Variants in ATP6V1H observed in about 807,000 individuals in gnomAD.
ATP6V1H encodes the protein V-type proton ATPase subunit H.
In ATP6V1H, 39 loss-of-function variants were observed where a neutral mutation model predicts 71.7. That is an observed-to-expected ratio of 0.54 (90% CI 0.42 to 0.71). The LOEUF (loss-of-function observed/expected upper bound fraction) is 0.71, where lower values mean the gene tolerates loss of function less well. Among genes scored for constraint, ATP6V1H ranks in the 30% least tolerant of loss-of-function variants. ATP6V1H has a pLI of 0.00. For missense variants in ATP6V1H, 509 were observed against 594.9 expected (o/e 0.86, Z 1.50); for synonymous variants, 192 against 199.3 (o/e 0.96, Z 0.31).
chr8:53,752,353 A>T (rs1807825688), intron 12 of ATP6V1H, among the ~76,000 whole-genome samples: 1 of 152,146 alleles, frequency 6.6e-6, no homozygotes, highest in Non-Finnish European at 1.5e-5. Flanking sequence ...CTTTTGTTTG[A>T]ATGGGCTGGT....
intron 11 of ATP6V1H, among the ~76,000 whole-genome samples, chr8:53,757,083 CCT>C (rs1808093316): frequency 6.6e-6 from 1 of 152,166 alleles, no homozygotes; most frequent in Admixed American, 6.5e-5. Context: ...CACGTCTTCC[CCT>C]CTCTCTTGCC....
At chr8:53,725,112 T>C (rs1040729164) in intron 13 of ATP6V1H, among the ~76,000 whole-genome samples, 1 of 152,188 alleles carries the variant, frequency 6.6e-6, no homozygotes, top group Admixed American at 6.5e-5. Flanking sequence ...GTGGGAGTAT[T>C]GAGAGGAGGG....
chr8:53,786,495 CG>C (rs1809388551), intron 9 of ATP6V1H, among the ~76,000 whole-genome samples: 3 of 152,104 alleles, frequency 2.0e-5, no homozygotes, highest in Admixed American at 1.3e-4. Flanking sequence ...CCGGGTGAGG[CG>C]ATGCCTCACC....
chr8:53,811,185 T>C lies in ATP6V1H; in HGVS notation c.558A>G (p.Thr186=). Residue 186 remains threonine, a synonymous_variant, in exon 7 of 14, where the codon ACA becomes ACG. Coordinates refer to ENST00000359530, the MANE Select transcript of ATP6V1H (RefSeq NM_015941.4). The stretch of plus-strand genomic sequence containing the variant: ...TTACATCACTTGAAGAGACTGTTCC[T>C]GTTTCAACAGCAACACCGCTACCAC... ...KLRGSGVAVE[T]GTVSSSDSSQ... 2.5e-6 allele frequency: 4 copies of C among 1,613,466 alleles called. No homozygotes were observed.
At chr8:53,777,534 G>A (rs976513282) in intron 9 of ATP6V1H, among the ~76,000 whole-genome samples, 1 of 151,732 alleles carries the variant, frequency 6.6e-6, no homozygotes, top group Non-Finnish European at 1.5e-5. Flanking sequence ...CCAGAATAAA[G>A]GTAAACTAAA....
intron 9 of ATP6V1H, among the ~76,000 whole-genome samples, chr8:53,788,861 G>T (rs1209587642): frequency 6.6e-6 from 1 of 152,092 alleles, no homozygotes; most frequent in Non-Finnish European, 1.5e-5. Flanking sequence ...GAGGTCAAAA[G>T]AAAAAACTTA....
At chr8:53,834,022 C>G (rs1811085393) in intron 2 of ATP6V1H, among the ~76,000 whole-genome samples, 1 of 152,140 alleles carries the variant, frequency 6.6e-6, no homozygotes, top group Non-Finnish European at 1.5e-5. Context: ...AACCCCCATC[C>G]TAATCTCTAA....
chr8:53,814,009 C>T (rs1195046440), intron 6 of ATP6V1H, among the ~76,000 whole-genome samples: 1 of 152,212 alleles, frequency 6.6e-6, no homozygotes, highest in East Asian at 1.9e-4. Flanking sequence ...AGGGACTTGG[C>T]CAGACAAGGA....
At chr8:53,823,351 T>C (rs149817373) in intron 4 of ATP6V1H, among the ~76,000 whole-genome samples, 1 of 152,240 alleles carries the variant, frequency 6.6e-6, no homozygotes, top group East Asian at 1.9e-4. Context: ...AAAACATAAA[T>C]ATTAAACAAC....
intron 5 of ATP6V1H, among the ~76,000 whole-genome samples, chr8:53,815,137 T>G (rs1810403595): frequency 6.6e-6 from 1 of 152,094 alleles, no homozygotes; most frequent in Non-Finnish European, 1.5e-5. Flanking sequence ...AGCAATCTCT[T>G]CAACAAACTG....
chr8:53,829,389 T>G, intron 4 of ATP6V1H, 55 bp downstream of exon 4: 1 of 1,087,642 alleles, frequency 9.2e-7, no homozygotes, highest in Non-Finnish European at 1.4e-6. Flanking sequence ...GCTGCTACTG[T>G]GAGGTATGCA....
At chr8:53,771,933 C>T (rs1808673146) in intron 10 of ATP6V1H, 56 bp downstream of exon 10, 4 of 1,499,518 alleles carry the variant, frequency 2.7e-6, no homozygotes, top group Non-Finnish European at 2.7e-6. Flanking sequence ...AAATGCTATG[C>T]AAGTCAAACA....
At position 53,746,999 on chromosome 8, in the gene ATP6V1H, G is replaced by A. The variant is rs150478402; in HGVS notation, c.1278-3309C>T. 4.8e-3 allele frequency among the ~76,000 whole-genome samples: 734 copies of A among 152,278 alleles called. 7 individuals carry two copies. Among genetic ancestry groups the A allele is most frequent in the African/African-American group, 0.016 (675 of 41,568 alleles). On this transcript the variant is annotated intron_variant, in intron 12 of 13. Coordinates refer to ENST00000359530, the MANE Select transcript of ATP6V1H (RefSeq NM_015941.4). ...AATATGATTAACAAGTTCAGCACTG[G>A]TACATACATTTAAAGAATGCAGCAG...
At chr8:53,721,229 T>C (rs1435557943) in intron 13 of ATP6V1H, among the ~76,000 whole-genome samples, 1 of 152,204 alleles carries the variant, frequency 6.6e-6, no homozygotes, top group Non-Finnish European at 1.5e-5. Context: ...TCCTCTGGCT[T>C]TTATCATGAT....
At chr8:53,746,348 T>TCCA (rs1017758543) in intron 12 of ATP6V1H, among the ~76,000 whole-genome samples, 37 of 151,804 alleles carry the variant, frequency 2.4e-4, no homozygotes, top group African/African-American at 8.9e-4. Flanking sequence ...CACTGCAACC[T>TCCA]CCACCTTCCA....
At chr8:53,739,836 C>A (rs58558817) in intron 13 of ATP6V1H, among the ~76,000 whole-genome samples, 11,234 of 152,264 alleles carry the variant, frequency 0.074, 764 homozygotes, top group East Asian at 0.37. Flanking sequence ...CTGCAGAGGC[C>A]CGCGAGTAGG....
chr8:53,748,753 T>C (rs1807695146), intron 12 of ATP6V1H, among the ~76,000 whole-genome samples: 1 of 152,252 alleles, frequency 6.6e-6, no homozygotes, highest in Non-Finnish European at 1.5e-5. Context: ...ATTAAGGGTG[T>C]TGCTTTTTCC....
intron 12 of ATP6V1H, 65 bp from the exon 13 acceptor site, chr8:53,743,755 G>A (rs1807499778): frequency 1.7e-6 from 2 of 1,166,276 alleles, no homozygotes; most frequent in African/African-American, 1.5e-5. Flanking sequence ...TTGTAAGCAG[G>A]CAGCTCAAAT....
chr8:53,808,667 G>GA (rs1810171931), intron 7 of ATP6V1H, among the ~76,000 whole-genome samples: 1 of 152,082 alleles, frequency 6.6e-6, no homozygotes, highest in South Asian at 2.1e-4. Context: ...CTACTGGTGG[G>GA]ATGGGGGTCA....
Sources: allele counts gnomAD v4.1 joint callset (sites outside exome capture counted in the v4.1 genomes callset), GRCh38; gene constraint gnomAD v4.1.1; transcripts MANE v1.5; gene names NCBI Gene and HGNC (gene_info 2026-07-23, HGNC 2026-07-21).